The following NAV3 variants were observed in gnomAD, a reference collection of about 807,000 sequenced individuals.
NAV3 encodes pore membrane and/or filament interacting like protein 1.
A neutral mutation model predicts 244.7 loss-of-function variants in NAV3; 87 were observed. The observed-to-expected ratio is 0.36, with a 90% CI of 0.30 to 0.42. NAV3 has a LOEUF of 0.42. Ranked by LOEUF, NAV3 falls within the 20% of genes least tolerant of loss-of-function variation. NAV3 has a pLI of 1.00. For synonymous variants in NAV3, 1,126 were observed against 1,042.2 expected (o/e 1.08, Z -1.55); for missense variants, 2,663 against 2,893.3 (o/e 0.92, Z 1.83).
chr12:78,102,138 G>A (rs1006827373), intron 12 of NAV3, among the ~76,000 whole-genome samples: 24 of 152,088 alleles, frequency 1.6e-4, no homozygotes, highest in African/African-American at 5.6e-4. Context: ...TCTGAGACAA[G>A]GAAAGTCCCT....
intron 2 of NAV3, among the ~76,000 whole-genome samples, chr12:77,722,293 CT>C (rs1565786720): frequency 6.6e-6 from 1 of 151,938 alleles, no homozygotes; most frequent in East Asian, 1.9e-4. Context: ...TATAATCATC[CT>C]TTTTTCAGGA....
intron 2 of NAV3, among the ~76,000 whole-genome samples, chr12:77,813,195 A>T (rs1872376235): frequency 6.6e-6 from 1 of 152,190 alleles, no homozygotes; most frequent in South Asian, 2.1e-4. Flanking sequence ...GTTTACATAC[A>T]AGCAAGGAAC....
intron 2 of NAV3, among the ~76,000 whole-genome samples, chr12:77,703,322 T>C (rs1875644679): frequency 6.6e-6 from 1 of 152,132 alleles, no homozygotes; most frequent in Admixed American, 6.5e-5. Context: ...AGCATAATAC[T>C]TGTGAGATTC....
At chr12:78,127,848 T>TATC (rs80120230) in intron 17 of NAV3, among the ~76,000 whole-genome samples, 98,183 of 151,634 alleles carry the variant, frequency 0.65, 32,204 homozygotes, top group African/African-American at 0.74. Flanking sequence ...ATTAATCTAA[T>TATC]ATTTAATAAT....
intron 34 of NAV3, among the ~76,000 whole-genome samples, chr12:78,195,757 ACC>A (rs1231240704): frequency 6.6e-6 from 1 of 151,992 alleles, no homozygotes; most frequent in East Asian, 1.9e-4. Context: ...CATTCTTGAC[ACC>A]CAGCAGCTAG....
intron 1 of NAV3, among the ~76,000 whole-genome samples, chr12:77,938,487 T>C (rs1475360324): frequency 1.3e-5 from 2 of 152,150 alleles, no homozygotes; most frequent in Admixed American, 6.6e-5. Flanking sequence ...ATGGGATGCT[T>C]CCAGTTGTTT....
In NAV3 at chr12:78,049,984, C is replaced by G; in HGVS notation, c.2024-9C>G. 6.3e-7 allele frequency: 1 copy of G among 1,587,562 alleles called. No homozygotes were observed. Among genetic ancestry groups the G allele is most frequent in the Non-Finnish European group, 8.6e-7 (1 of 1,166,888 alleles). On this transcript the variant is annotated splice_polypyrimidine_tract_variant and intron_variant, in intron 9 of 39. Coordinates refer to ENST00000397909, the MANE Select transcript of NAV3 (RefSeq NM_001024383.2). ...CATGAATAGCAAATTTATCATATTG[C>G]TTTCCTAGGTGAAGACCCTGAAACA...
intron 9 of NAV3, among the ~76,000 whole-genome samples, chr12:78,044,823 T>C (rs1270362186): frequency 1.3e-5 from 2 of 151,966 alleles, no homozygotes; most frequent in African/African-American, 4.8e-5. Flanking sequence ...GCTTAAGGAG[T>C]TTTTGGCTGA....
intron 2 of NAV3, among the ~76,000 whole-genome samples, chr12:77,714,093 T>C (rs1201207716): frequency 6.6e-6 from 1 of 152,252 alleles, no homozygotes; most frequent in South Asian, 2.1e-4. Flanking sequence ...CTAGAGGGCA[T>C]GACTTGTGAC....
At chr12:77,600,795 A>G (rs1870393744) in intron 2 of NAV3, among the ~76,000 whole-genome samples, 1 of 151,978 alleles carries the variant, frequency 6.6e-6, no homozygotes, top group Admixed American at 6.6e-5. Flanking sequence ...GTCCAACTCA[A>G]GGCCAATCTA....
chr12:77,590,268 G>A (rs1164075829), intron 2 of NAV3, among the ~76,000 whole-genome samples: 1 of 152,106 alleles, frequency 6.6e-6, no homozygotes, highest in Admixed American at 6.6e-5. Flanking sequence ...CATCAATGAT[G>A]GACTAAGCTC....
In NAV3 at chr12:77,847,122, A is replaced by T. The variant is rs116229056; in HGVS notation, c.243+15418A>T. Among the ~76,000 whole-genome samples, 7 of 152,148 alleles carry T rather than the reference A, an allele frequency of 4.6e-5. 1 individual carries two copies. Among genetic ancestry groups the T allele is most frequent in the African/African-American group, 1.7e-4 (7 of 41,428 alleles). On this transcript the variant is annotated intron_variant, in intron 1 of 39. Transcript: ENST00000397909. ...CTTCAACAGTATGCTTCTCCTCTGT[A>T]AGACAGACAGGATGTGGTCTAGGAG... is the stretch of plus-strand genomic sequence containing the variant.
intron 34 of NAV3, among the ~76,000 whole-genome samples, chr12:78,193,784 A>C (rs1959083861): frequency 6.6e-6 from 1 of 152,074 alleles, no homozygotes; most frequent in Non-Finnish European, 1.5e-5. Flanking sequence ...CAGGGGATCC[A>C]CTACCCTCTC....
At chr12:78,125,146 G>A (rs1484765481) in intron 16 of NAV3, among the ~76,000 whole-genome samples, 1 of 152,110 alleles carries the variant, frequency 6.6e-6, no homozygotes, top group Non-Finnish European at 1.5e-5. Flanking sequence ...TTAATTAATT[G>A]ATCAGTAGAA....
Position 77,745,672 on chromosome 12 carries a change from G to T in NAV3, c.72+173406G>T, listed in dbSNP as rs565892837. On this transcript the variant is annotated intron_variant, in intron 2 of 8. Coordinates refer to the NAV3 transcript ENST00000550042. ...ACATTTTATGACAGTAAGAGAGCTT[G>T]GGGTCAATTGTGGTGAAGAATGCAA... Among the ~76,000 whole-genome samples, 4 of 152,054 alleles carry T rather than the reference G, an allele frequency of 2.6e-5. No homozygotes were observed. The East Asian group carries it at 7.7e-4, about 29-fold the overall frequency.
At chr12:77,766,734 A>ATTTTTTTTTTTTTTTTTTTT (rs1565805085) in intron 2 of NAV3, among the ~76,000 whole-genome samples, 1 of 53,342 alleles carries the variant, frequency 1.9e-5, no homozygotes, top group African/African-American at 5.2e-5. Context: ...CAGGCAATTA[A>ATTTTTTTTTTTTTTTTTTTT]GTTTTTTTTT....
intron 5 of NAV3, among the ~76,000 whole-genome samples, chr12:77,993,547 A>G (rs1354273501): frequency 6.6e-6 from 1 of 152,158 alleles, no homozygotes; most frequent in East Asian, 1.9e-4. Flanking sequence ...TCACATGCCA[A>G]ATGTGCTCTG....
chr12:78,137,154 GCT>G (rs777021775), intron 18 of NAV3, 21 bp from the exon 19 acceptor site: 4 of 1,599,818 alleles, frequency 2.5e-6, no homozygotes, highest in South Asian at 2.3e-5. Context: ...AGAGTAATAG[GCT>G]CTGTGTGTTT....
intron 12 of NAV3, among the ~76,000 whole-genome samples, chr12:78,083,025 T>A (rs1049690940): frequency 1.3e-5 from 2 of 152,168 alleles, no homozygotes; most frequent in African/African-American, 4.8e-5. Flanking sequence ...TAACAAAATA[T>A]TTGAAACTGA....
Sources: gnomAD v4.1 joint callset for allele counts (sites outside exome capture counted in the v4.1 genomes callset) on GRCh38, gnomAD v4.1.1 for gene constraint, MANE v1.5 for transcripts, NCBI Gene and HGNC (gene_info 2026-07-23, HGNC 2026-07-21) for gene names.